The following CELF2 variants were observed in gnomAD, a reference collection of about 807,000 sequenced individuals.
CELF2 encodes the protein CUG triplet repeat RNA-binding protein 2.
CELF2 carries 8 observed loss-of-function variants against 62.6 expected under a neutral mutation model. The ratio of observed to expected loss-of-function variants is 0.13; its 90% CI spans 0.07 to 0.23. The LOEUF is 0.23. Among genes scored for constraint, CELF2 ranks in the 10% least tolerant of loss-of-function variants. The pLI, the probability that CELF2 is intolerant of heterozygous loss-of-function variation, is 1.00. For missense variants in CELF2, 333 were observed against 671.0 expected (o/e 0.50, Z 5.56); for synonymous variants, 258 against 250.0 (o/e 1.03, Z -0.30).
At chr10:11,287,022 C>T (rs1448958736) in intron 8 of CELF2, among the ~76,000 whole-genome samples, 1 of 152,318 alleles carries the variant, frequency 6.6e-6, no homozygotes. Flanking sequence ...GTCTAGAGCA[C>T]TCAGCAGCCA....
chr10:11,260,159 G>A lies in CELF2; in HGVS notation c.538+2287G>A, dbSNP rs550153407. 9.8e-5 allele frequency among the ~76,000 whole-genome samples: 15 copies of A among 152,324 alleles called. No individual in the cohort carries two copies. The highest frequency in any genetic ancestry group is 2.1e-4 in the South Asian group (1 of 4,828). The stretch of plus-strand genomic sequence containing the variant: ...CTTTCCCCATTTGTAAATGACAGCC[G>A]TAACTATATCTGCCCTGCTTCTCTT... On this transcript the variant is annotated intron_variant, in intron 5 of 12. Coordinates refer to ENST00000633077, the MANE Select transcript of CELF2 (RefSeq NM_001326342.2). The surrounding 1 kb of genome is among the most constrained non-coding windows in gnomAD (Gnocchi z 4.2).
intron 9 of CELF2, among the ~76,000 whole-genome samples, chr10:11,291,007 C>T (rs1565807219): frequency 6.6e-6 from 1 of 152,190 alleles, no homozygotes. Flanking sequence ...TGAATCTCCA[C>T]TTCATCAAGG....
chr10:10,896,754 C>T (rs147355190), intron 1 of CELF2, among the ~76,000 whole-genome samples: 8 of 152,300 alleles, frequency 5.3e-5, no homozygotes, highest in Non-Finnish European at 4.4e-5. Context: ...ACTTCGGTCT[C>T]AAACTTCTAG....
Position 11,244,771 on chromosome 10 carries a change from T to C in CELF2, c.355-4382T>C, listed in dbSNP as rs1362650153. Among the ~76,000 whole-genome samples the C allele has an allele frequency of 6.6e-6, 1 of 152,210 alleles. No individual in the cohort carries two copies. Among genetic ancestry groups the C allele is most frequent in the Non-Finnish European group, 1.5e-5 (1 of 68,030 alleles). ...GTAGGGCCTATTTTCTCTTATTCTG[T>C]GCCTCCAAATAAATTGTTCTTTTCC... is the stretch of plus-strand genomic sequence containing the variant. On this transcript the variant is annotated intron_variant, in intron 3 of 12. Transcript: ENST00000633077. The surrounding 1 kb of genome is among the most constrained non-coding windows in gnomAD (Gnocchi z 4.2).
At chr10:10,565,147 G>C in the CELF2 span, among the ~76,000 whole-genome samples, 1 of 152,236 alleles carries the variant, frequency 6.6e-6, no homozygotes, top group Non-Finnish European at 1.5e-5. Flanking sequence ...AGAGAAGGTA[G>C]GGTGAGGAGA....
intron 1 of CELF2, among the ~76,000 whole-genome samples, chr10:10,875,108 C>G (rs1323988378): frequency 6.6e-6 from 1 of 152,116 alleles, no homozygotes; most frequent in Non-Finnish European, 1.5e-5. Flanking sequence ...TGAAATGTGT[C>G]AACTTTATTG....
At chr10:11,299,575 C>A (rs184937451) in intron 9 of CELF2, among the ~76,000 whole-genome samples, 1 of 152,280 alleles carries the variant, frequency 6.6e-6, no homozygotes, top group East Asian at 1.9e-4. Context: ...CGAGCCCGGT[C>A]CCATCATTAA....
At chr10:10,845,888 G>A (rs762118369) in intron 1 of CELF2, among the ~76,000 whole-genome samples, 4 of 152,028 alleles carry the variant, frequency 2.6e-5, no homozygotes, top group Non-Finnish European at 5.9e-5. Context: ...TTTTATTAAA[G>A]CTGAAAAACA....
the CELF2 span, among the ~76,000 whole-genome samples, chr10:10,584,670 T>C: frequency 1.3e-5 from 2 of 152,168 alleles, no homozygotes; most frequent in Admixed American, 6.5e-5. Flanking sequence ...TTACTAACAA[T>C]ATCGATTCTT....
At chr10:10,650,049 T>A in the CELF2 span, among the ~76,000 whole-genome samples, 1 of 152,210 alleles carries the variant, frequency 6.6e-6, no homozygotes, top group Non-Finnish European at 1.5e-5. Flanking sequence ...CCAATCACAT[T>A]GCAACCATCA....
chr10:10,508,787 C>T, the CELF2 span, among the ~76,000 whole-genome samples: 1 of 151,476 alleles, frequency 6.6e-6, no homozygotes, highest in African/African-American at 2.4e-5. Flanking sequence ...CTGCAACCTC[C>T]GCCTCCGCCT....
chr10:11,148,772 G>A (rs1462183347), intron 1 of CELF2, among the ~76,000 whole-genome samples: 2 of 151,926 alleles, frequency 1.3e-5, no homozygotes, highest in Non-Finnish European at 2.9e-5. Flanking sequence ...ATTAAGCGGG[G>A]GAAGAGCAAT....
intron 8 of CELF2, among the ~76,000 whole-genome samples, chr10:11,282,607 A>C (rs1038095848): frequency 1.3e-5 from 2 of 152,244 alleles, no homozygotes; most frequent in African/African-American, 4.8e-5. Flanking sequence ...TTAACTCTGC[A>C]CTAGGCATTG....
chr10:11,275,161 G>A lies in CELF2; in HGVS notation c.841+41G>A, dbSNP rs369951724. The stretch of plus-strand genomic sequence containing the variant: ...CGCCTCTCCTTTTGACCGTGCTATT[G>A]TCAGAATTTGGGGTTGGTTCCGAGG... On this transcript the variant is annotated intron_variant, in intron 8 of 12. Coordinates refer to ENST00000633077, the MANE Select transcript of CELF2 (RefSeq NM_001326342.2). 68 of 1,602,470 alleles carry A rather than the reference G, an allele frequency of 4.2e-5. No homozygotes were observed. In the African/African-American group the frequency reaches 8.2e-4, roughly 19 times the overall value.
At chr10:11,053,458 A>G (rs1052608639) in intron 1 of CELF2, among the ~76,000 whole-genome samples, 6 of 152,078 alleles carry the variant, frequency 3.9e-5, no homozygotes, top group South Asian at 2.1e-4. Flanking sequence ...TGTGTTGTGG[A>G]TGGATTAGGG....
At chr10:10,613,793 A>G in the CELF2 span, among the ~76,000 whole-genome samples, 1 of 152,180 alleles carries the variant, frequency 6.6e-6, no homozygotes, top group South Asian at 2.1e-4. Flanking sequence ...AATGTAACAC[A>G]GGGGTATGAT....
intron 1 of CELF2, among the ~76,000 whole-genome samples, chr10:11,086,410 C>T (rs1564674979): frequency 6.6e-6 from 1 of 151,848 alleles, no homozygotes; most frequent in African/African-American, 2.4e-5. Context: ...ACGCTGCCTA[C>T]CCGGGTCTGA....
At chr10:10,588,931 T>A in the CELF2 span, among the ~76,000 whole-genome samples, 1 of 152,204 alleles carries the variant, frequency 6.6e-6, no homozygotes, top group East Asian at 1.9e-4. Context: ...ACTTACCCGG[T>A]CCTATAAAAC....
intron 1 of CELF2, among the ~76,000 whole-genome samples, chr10:11,133,299 T>C (rs1444062768): frequency 6.6e-6 from 1 of 152,204 alleles, no homozygotes; most frequent in East Asian, 1.9e-4. Context: ...TTTCTTACTT[T>C]AGAATGGAAT....
Sources: gnomAD v4.1 joint callset for allele counts (sites outside exome capture counted in the v4.1 genomes callset) on GRCh38, gnomAD v4.1.1 for gene constraint, Gnocchi (gnomAD v3.1) non-coding constraint, MANE v1.5 for transcripts, NCBI Gene and HGNC (gene_info 2026-07-23, HGNC 2026-07-21) for gene names.